Variants in C16orf92 observed in about 807,000 individuals in gnomAD.
The protein encoded by C16orf92 is fertilization-influencing membrane protein 1.
C16orf92 carries 14 observed loss-of-function variants against 13.7 expected under a neutral mutation model. The observed-to-expected ratio is 1.02, with a 90% CI of 0.67 to 1.60. The LOEUF is 1.60. C16orf92 is among the 40% of genes most tolerant of loss of function. The pLI is 0.00. For synonymous variants in C16orf92, 50 were observed against 57.4 expected, an observed-to-expected ratio of 0.87 and a Z score of 0.58; for missense variants, 116 against 139.0, an observed-to-expected ratio of 0.83 and a Z score of 0.83.
chr16:30,024,813 T>A (rs2071027037), downstream of C16orf92: 1 of 229,858 alleles, frequency 4.4e-6, no homozygotes, highest in South Asian at 1.3e-4. Context: ...TGGGGAGCCC[T>A]GGGGGATGGC....
downstream of C16orf92, chr16:30,024,967 C>A: frequency 2.0e-6 from 1 of 491,024 alleles, no homozygotes; most frequent in South Asian, 3.7e-5. Context: ...TCCTCCAGCG[C>A]AAGGGTGTGC....
rs2070945643 is a variant in C16orf92 at position 30,023,460 on chromosome 16, G to A, written c.64+56G>A. The A allele has an allele frequency of 4.5e-6, 7 of 1,556,450 alleles. No individual in the cohort carries two copies. The South Asian group carries it at 4.6e-5, about 10-fold the overall frequency. On this transcript the variant is annotated intron_variant, in intron 1 of 3. Transcript: ENST00000681219. ...GCAGGCAGCTCTGGGAGCATAAAGT[G>A]TGATGCCCACTTAGGGACTCGGAAG...
downstream of C16orf92, among the ~76,000 whole-genome samples, chr16:30,026,297 C>T (rs1011354312): frequency 6.6e-6 from 1 of 152,084 alleles, no homozygotes; most frequent in Non-Finnish European, 1.5e-5. Flanking sequence ...TGGCTGCATC[C>T]CTCTCACGGT....
chr16:30,023,949 C>G, intron 2 of C16orf92, 50 bp from the exon 3 acceptor site: 1 of 1,593,004 alleles, frequency 6.3e-7, no homozygotes, highest in Non-Finnish European at 8.6e-7. Context: ...CAGCCCCAGA[C>G]CCTTCATTGG....
chr16:30,025,292 G>C (rs532333734), downstream of C16orf92: 24 of 1,552,644 alleles, frequency 1.5e-5, no homozygotes, highest in Non-Finnish European at 1.9e-5. This position sits in a 1 kb window ranked among gnomAD's most constrained non-coding sequence, Gnocchi z 4.1. Context: ...CAGGAGCAGC[G>C]CAGCGCCCAG....
downstream of C16orf92, chr16:30,025,870 T>C (rs758050776): frequency 1.4e-6 from 2 of 1,464,578 alleles, no homozygotes; most frequent in African/African-American, 1.4e-5. The surrounding 1 kb of genome is among the most constrained non-coding windows in gnomAD (Gnocchi z 4.1). Flanking sequence ...CCCTGGGTTC[T>C]TGGGCAGCCC....
Position 30,023,359 on chromosome 16 carries a change from G to T in C16orf92, c.19G>T (p.Val7Leu). ...AGGAGTCATGAGGCTGTGGCCATGG[G>T]TGCTGGTGTGGGTGTGGCTGGCTGC... MRLWPW[V>L]LVWVWLAALG... The change falls in exon 1 of 4, where the codon GTG (valine) becomes TTG (leucine). Residue 7 changes from valine (V) to leucine (L), a missense_variant. Val to Leu is a conservative substitution (Grantham distance 32). Coordinates refer to ENST00000681219, the MANE Select transcript of C16orf92 (RefSeq NM_001109659.2). 3.1e-6 allele frequency: 5 copies of T among 1,608,904 alleles called. No individual in the cohort carries two copies. The highest frequency in any genetic ancestry group is 4.2e-6 in the Non-Finnish European group (5 of 1,177,992).
chr16:30,023,347 C>T lies in C16orf92; in HGVS notation c.7C>T (p.Leu3=). 6.2e-7 allele frequency: 1 copy of T among 1,605,364 alleles called. No homozygotes were observed. The highest frequency in any genetic ancestry group is 8.5e-7 in the Non-Finnish European group (1 of 1,176,174). MR[L]WPWVLVWVWL... ...CCACCTCATGATAGGAGTCATGAGG[C>T]TGTGGCCATGGGTGCTGGTGTGGGT... The change falls in exon 1 of 4, where the codon CTG becomes TTG. Residue 3 remains leucine (L), a synonymous_variant. Transcript: ENST00000681219.
chr16:30,026,956 A>G, downstream of C16orf92: 3 of 866,680 alleles, frequency 3.5e-6, no homozygotes, highest in Non-Finnish European at 5.6e-6. Flanking sequence ...AGTCTTGGGT[A>G]CAGATGAGGG....
At chr16:30,026,587 C>G (rs779461951), downstream of C16orf92, 1 of 1,601,046 alleles carries the variant, frequency 6.2e-7, no homozygotes, top group African/African-American at 1.3e-5. Flanking sequence ...GCACCCCGCC[C>G]GCCCAGCTCC....
rs2070991118 is a variant in C16orf92 at position 30,024,373 on chromosome 16, G to A, written c.*146G>A. 8.9e-7 allele frequency: 1 copy of A among 1,119,174 alleles called. No homozygotes were observed. The highest frequency in any genetic ancestry group is 2.6e-5 in the East Asian group (1 of 38,930). 69.3% of individuals were successfully genotyped at this position (1,119,174 alleles called of 1,614,324 possible). ...GTCCCCTCTGTTTCCCATGGCCCAA[G>A]CCCCCCACCTCCTCCCTTCCCAGCC... On this transcript the variant is annotated 3_prime_UTR_variant, in exon 4 of 4. Coordinates refer to ENST00000681219, the MANE Select transcript of C16orf92 (RefSeq NM_001109659.2).
chr16:30,025,179 G>C (rs1393963639), downstream of C16orf92: 1 of 1,444,814 alleles, frequency 6.9e-7, no homozygotes. This position sits in a 1 kb window ranked among gnomAD's most constrained non-coding sequence, Gnocchi z 4.1. Flanking sequence ...CCCGGCCCCC[G>C]GCCTCAGTCC....
downstream of C16orf92, among the ~76,000 whole-genome samples, chr16:30,026,152 T>C (rs1292832734): frequency 2.0e-5 from 3 of 151,974 alleles, no homozygotes; most frequent in African/African-American, 7.3e-5. Context: ...GGAGAATCAC[T>C]TGAACTCAGG....
downstream of C16orf92, chr16:30,027,031 G>C (rs1014419030): frequency 1.5e-6 from 1 of 689,198 alleles, no homozygotes; most frequent in African/African-American, 1.8e-5. Context: ...GTAAGAGATG[G>C]TGCTGGGATT....
chr16:30,023,749 G>C lies in C16orf92; in HGVS notation c.87G>C (p.Thr29=). 1 of 1,614,036 alleles carries C rather than the reference G, an allele frequency of 6.2e-7. No individual in the cohort carries two copies. The highest frequency in any genetic ancestry group is 8.5e-7 in the Non-Finnish European group (1 of 1,179,952). Reference sequence around the variant, plus strand: ...TAGCACCCAGACCCAAGCGTGCCACGGCGTCAGCCCTGGGGACAGAGTCTC... The same window carrying C: ...TAGCACCCAGACCCAAGCGTGCCACCGCGTCAGCCCTGGGGACAGAGTCTC... The part of the protein sequence containing the change: ...IETAPRPKRA[T]ASALGTESPR... Residue 29 remains threonine, a synonymous_variant, in exon 2 of 4, where the codon ACG becomes ACC. Coordinates refer to ENST00000681219, the MANE Select transcript of C16orf92 (RefSeq NM_001109659.2).
downstream of C16orf92, chr16:30,027,158 A>C: frequency 2.0e-6 from 1 of 491,288 alleles, no homozygotes; most frequent in Non-Finnish European, 4.0e-6. Context: ...TGCCAAAATA[A>C]GCCCAGGACA....
downstream of C16orf92, chr16:30,025,712 C>A (rs770336189): frequency 9.3e-6 from 15 of 1,613,684 alleles, no homozygotes; most frequent in East Asian, 2.9e-4. The surrounding 1 kb of genome is among the most constrained non-coding windows in gnomAD (Gnocchi z 4.1). Flanking sequence ...CTGCACCCTC[C>A]CATGCTCACT....
chr16:30,027,269 G>T, downstream of C16orf92: 1 of 428,078 alleles, frequency 2.3e-6, no homozygotes, highest in Non-Finnish European at 4.7e-6. Flanking sequence ...GAGGTCACAG[G>T]GGTGGACGCC....
chr16:30,025,471 A>G (rs1232115881), downstream of C16orf92: 1 of 1,611,400 alleles, frequency 6.2e-7, no homozygotes, highest in African/African-American at 1.3e-5. This position sits in a 1 kb window ranked among gnomAD's most constrained non-coding sequence, Gnocchi z 4.1. Context: ...GCTTGTACTG[A>G]GGAGACACAG....
Sources: gnomAD v4.1 joint callset for allele counts (sites outside exome capture counted in the v4.1 genomes callset) on GRCh38, gnomAD v4.1.1 for gene constraint, Gnocchi (gnomAD v3.1) non-coding constraint, MANE v1.5 for transcripts, NCBI Gene and HGNC (gene_info 2026-07-23, HGNC 2026-07-21) for gene names.